Variants in GRM8 observed in about 807,000 individuals in gnomAD.
GRM8 encodes metabotropic glutamate receptor 8.
In GRM8, 47 loss-of-function variants were observed where a neutral mutation model predicts 87.2. The ratio of observed to expected loss-of-function variants is 0.54; its 90% CI spans 0.43 to 0.69. GRM8 has a LOEUF of 0.69. Ranked by LOEUF, GRM8 falls within the 30% of genes least tolerant of loss-of-function variation. The pLI is 0.00. For missense variants in GRM8, 1,019 were observed against 1,139.2 expected (o/e 0.89, Z 1.52); for synonymous variants, 396 against 404.5 (o/e 0.98, Z 0.25).
At chr7:126,835,105 A>G (rs1795726792) in intron 6 of GRM8, among the ~76,000 whole-genome samples, 1 of 151,874 alleles carries the variant, frequency 6.6e-6, no homozygotes, top group Non-Finnish European at 1.5e-5. Context: ...AAAGAAAAGA[A>G]AAGAAAAATA....
chr7:126,674,347 C>T (rs1174696139), intron 7 of GRM8, among the ~76,000 whole-genome samples: 2 of 152,180 alleles, frequency 1.3e-5, no homozygotes, highest in Non-Finnish European at 2.9e-5. Flanking sequence ...TCTTTCTCCC[C>T]TAAATAAGAG....
At chr7:127,156,116 G>A (rs17863227) in intron 2 of GRM8, among the ~76,000 whole-genome samples, 28,509 of 152,116 alleles carry the variant, frequency 0.19, 3,034 homozygotes, top group Non-Finnish European at 0.24. Flanking sequence ...GAGATTGGTC[G>A]TAAGCAAGCG....
intron 9 of GRM8, among the ~76,000 whole-genome samples, chr7:126,462,448 ATTAG>A (rs1584693071): frequency 6.6e-6 from 1 of 151,606 alleles, no homozygotes; most frequent in African/African-American, 2.4e-5. Flanking sequence ...CAGTTAGACA[ATTAG>A]TTAGATAGAC....
chr7:127,031,199 C>T (rs1817327777), intron 3 of GRM8, among the ~76,000 whole-genome samples: 1 of 152,094 alleles, frequency 6.6e-6, no homozygotes, highest in South Asian at 2.1e-4. Flanking sequence ...GTTCAAGTCA[C>T]TTCCTGAAAT....
chr7:126,841,505 C>T (rs958870256), intron 6 of GRM8, among the ~76,000 whole-genome samples: 2 of 152,102 alleles, frequency 1.3e-5, no homozygotes, highest in Admixed American at 6.5e-5. Flanking sequence ...CAGAATGTCA[C>T]TTCCACTGCA....
intron 3 of GRM8, among the ~76,000 whole-genome samples, chr7:127,093,251 G>T (rs1174311420): frequency 6.6e-6 from 1 of 152,116 alleles, no homozygotes; most frequent in African/African-American, 2.4e-5. Context: ...ACTGGAAACT[G>T]CACAAGGACT....
At chr7:127,191,214 A>G (rs1431781822) in intron 2 of GRM8, among the ~76,000 whole-genome samples, 1 of 152,206 alleles carries the variant, frequency 6.6e-6, no homozygotes, top group Admixed American at 6.5e-5. Flanking sequence ...GGCCAAGACT[A>G]AATAACTCTG....
chr7:127,023,907 T>C (rs781372082), intron 3 of GRM8, among the ~76,000 whole-genome samples: 1 of 152,124 alleles, frequency 6.6e-6, no homozygotes, highest in Non-Finnish European at 1.5e-5. Context: ...CTGAAGGGCA[T>C]TTTAGAAAAT....
At chr7:126,455,786 T>C (rs1355611430) in intron 9 of GRM8, among the ~76,000 whole-genome samples, 2 of 151,642 alleles carry the variant, frequency 1.3e-5, no homozygotes, top group African/African-American at 4.8e-5. Flanking sequence ...TCCACCTCTA[T>C]AGCACCAGAG....
At chr7:127,175,743 T>C (rs1052536678) in intron 2 of GRM8, among the ~76,000 whole-genome samples, 1 of 152,106 alleles carries the variant, frequency 6.6e-6, no homozygotes, top group African/African-American at 2.4e-5. Context: ...TCTAGCAAAA[T>C]TGTTCTTCAA....
At chr7:126,789,616 A>G (rs1362255874) in intron 6 of GRM8, among the ~76,000 whole-genome samples, 2 of 152,214 alleles carry the variant, frequency 1.3e-5, no homozygotes, top group African/African-American at 4.8e-5. Flanking sequence ...AAACTCAGCA[A>G]CAGGAGAAAG....
At chr7:126,688,767 C>CACACACACACACACACAG (rs1563093552) in intron 7 of GRM8, among the ~76,000 whole-genome samples, 7 of 151,704 alleles carry the variant, frequency 4.6e-5, no homozygotes, top group African/African-American at 1.7e-4. Flanking sequence ...CACACACACA[C>CACACACACACACACACAG]AGAGACACAC....
At chr7:126,798,201 A>AT (rs1822208434) in intron 6 of GRM8, among the ~76,000 whole-genome samples, 1 of 152,062 alleles carries the variant, frequency 6.6e-6, no homozygotes, top group African/African-American at 2.4e-5. Flanking sequence ...CATTACCTTC[A>AT]TAGGGGCAAA....
intron 3 of GRM8, among the ~76,000 whole-genome samples, chr7:126,990,214 C>A (rs1282025972): frequency 6.6e-6 from 1 of 151,992 alleles, no homozygotes; most frequent in African/African-American, 2.4e-5. Context: ...GCTAGGAACA[C>A]TAAATACTTA....
At chr7:127,163,160 A>G (rs1272417662) in intron 2 of GRM8, among the ~76,000 whole-genome samples, 2 of 152,128 alleles carry the variant, frequency 1.3e-5, no homozygotes, top group Non-Finnish European at 2.9e-5. Context: ...AAGAGGTTTA[A>G]TTGGCTCTCA....
At chr7:126,989,139 A>T (rs930322687) in intron 3 of GRM8, among the ~76,000 whole-genome samples, 1 of 152,192 alleles carries the variant, frequency 6.6e-6, no homozygotes, top group Non-Finnish European at 1.5e-5. Context: ...TATTAATATT[A>T]ACCTTCCTAA....
intron 3 of GRM8, among the ~76,000 whole-genome samples, chr7:126,918,219 T>C (rs754334319): frequency 1.3e-5 from 2 of 152,170 alleles, no homozygotes; most frequent in Non-Finnish European, 2.9e-5. Context: ...AAAATAGTTG[T>C]ATGATACATT....
chr7:126,738,791 T>C (rs563489908), intron 7 of GRM8, among the ~76,000 whole-genome samples: 2 of 144,812 alleles, frequency 1.4e-5, no homozygotes, highest in African/African-American at 2.6e-5. Flanking sequence ...GAGTGGTAGA[T>C]AGACTACAAA....
At chr7:126,643,343 T>A (rs1179692393) in intron 7 of GRM8, among the ~76,000 whole-genome samples, 1 of 106,170 alleles carries the variant, frequency 9.4e-6, no homozygotes, top group East Asian at 2.5e-4. Context: ...TATATATATA[T>A]ATATATATAT....
Sources: gnomAD v4.1 joint callset for allele counts (sites outside exome capture counted in the v4.1 genomes callset) on GRCh38, gnomAD v4.1.1 for gene constraint, MANE v1.5 for transcripts, NCBI Gene and HGNC (gene_info 2026-07-23, HGNC 2026-07-21) for gene names.